The following ECHDC1 variants were observed in gnomAD, a reference collection of about 807,000 sequenced individuals.
ECHDC1 encodes ethylmalonyl-CoA decarboxylase 1.
Under a neutral mutation model 29.7 loss-of-function variants are expected in ECHDC1, and 29 were observed. The ratio of observed to expected loss-of-function variants is 0.98; its 90% CI spans 0.73 to 1.33. The LOEUF (loss-of-function observed/expected upper bound fraction) is 1.33. ECHDC1 is among the 40% of genes most tolerant of loss of function. ECHDC1 has a pLI of 0.00. For synonymous variants in ECHDC1, 126 were observed against 123.1 expected, an observed-to-expected ratio of 1.02 and a Z score of -0.15; for missense variants, 328 against 350.0, an observed-to-expected ratio of 0.94 and a Z score of 0.50.
intron 5 of ECHDC1, among the ~76,000 whole-genome samples, chr6:127,299,871 T>G (rs1281337803): frequency 1.3e-5 from 2 of 152,338 alleles, no homozygotes; most frequent in East Asian, 3.9e-4. Flanking sequence ...TATACAGTAT[T>G]TTTACTGTAC....
At chr6:127,334,043 T>C (rs1171030608) in intron 1 of ECHDC1, among the ~76,000 whole-genome samples, 1 of 152,198 alleles carries the variant, frequency 6.6e-6, no homozygotes, top group Non-Finnish European at 1.5e-5. Flanking sequence ...TTTTATTAAT[T>C]TGTTAGAGAT....
rs1452840083 is a variant in ECHDC1 at position 127,290,172 on chromosome 6, T to C, written c.603A>G (p.Gln201=). The change falls in exon 6 of 6, where the codon CAA becomes CAG. Residue 201 remains glutamine, a synonymous_variant. Coordinates refer to ENST00000454859, the MANE Select transcript of ECHDC1 (RefSeq NM_001002030.2). The part of the protein sequence containing the change: ...TRLVEIIGSR[Q]ALKVLSGALK... ...GGGCCCCACTCAACACTTTGAGAGC[T>C]TGTCTACTTCCGATTATTTCAACTA... 1 of 1,613,752 alleles carries C rather than the reference T, an allele frequency of 6.2e-7. No homozygotes were observed. The highest frequency in any genetic ancestry group is 8.5e-7 in the Non-Finnish European group (1 of 1,179,792).
intron 1 of ECHDC1, chr6:127,342,307 G>A (rs1298371813): frequency 4.6e-6 from 7 of 1,519,912 alleles, no homozygotes; most frequent in Non-Finnish European, 6.2e-6. Context: ...TAAGAATCTG[G>A]CCACAAATCA....
chr6:127,306,712 T>TTG (rs1781470210), intron 5 of ECHDC1, among the ~76,000 whole-genome samples: 1 of 152,156 alleles, frequency 6.6e-6, no homozygotes, highest in Non-Finnish European at 1.5e-5. Flanking sequence ...TTACCCAGTC[T>TTG]CAGGTAGTTC....
At chr6:127,333,494 C>T (rs982984218) in intron 1 of ECHDC1, among the ~76,000 whole-genome samples, 12 of 151,950 alleles carry the variant, frequency 7.9e-5, no homozygotes, top group African/African-American at 2.2e-4. Flanking sequence ...TCAATACATA[C>T]CCATGTCTGA....
intron 1 of ECHDC1, among the ~76,000 whole-genome samples, chr6:127,332,027 T>C (rs1045219289): frequency 1.3e-5 from 2 of 152,166 alleles, no homozygotes; most frequent in African/African-American, 4.8e-5. Flanking sequence ...TATAAGATTA[T>C]ATGCAAAAAA....
chr6:127,335,155 A>G (rs1444666038), intron 1 of ECHDC1, among the ~76,000 whole-genome samples: 2 of 152,132 alleles, frequency 1.3e-5, no homozygotes, highest in Non-Finnish European at 2.9e-5. Flanking sequence ...GTTACAATAC[A>G]ATATCTGGTT....
intron 5 of ECHDC1, among the ~76,000 whole-genome samples, chr6:127,299,229 A>G (rs941597657): frequency 6.6e-6 from 1 of 152,106 alleles, no homozygotes; most frequent in Admixed American, 6.6e-5. Context: ...TAAATGTAAA[A>G]TAGCCTCAGG....
At chr6:127,322,664 T>A (rs1223594037) in intron 3 of ECHDC1, among the ~76,000 whole-genome samples, 1 of 143,258 alleles carries the variant, frequency 7.0e-6, no homozygotes, top group Non-Finnish European at 1.6e-5. Flanking sequence ...ATATATACAA[T>A]GATGTATATA....
At chr6:127,293,678 T>C (rs1379254125) in intron 5 of ECHDC1, among the ~76,000 whole-genome samples, 1 of 152,204 alleles carries the variant, frequency 6.6e-6, no homozygotes, top group Non-Finnish European at 1.5e-5. Context: ...GAGAATACAG[T>C]ATTACCTACT....
At chr6:127,333,830 G>A (rs908169389) in intron 1 of ECHDC1, among the ~76,000 whole-genome samples, 2 of 152,100 alleles carry the variant, frequency 1.3e-5, no homozygotes, top group African/African-American at 4.8e-5. Flanking sequence ...GAAAGCTCCA[G>A]TTGCTCCACA....
In ECHDC1 at chr6:127,330,926, C is replaced by G; in HGVS notation, c.103G>C (p.Glu35Gln). The G allele has an allele frequency of 6.2e-6, 10 of 1,614,066 alleles. No individual in the cohort carries two copies. Among genetic ancestry groups the G allele is most frequent in the South Asian group, 2.2e-5 (2 of 91,076 alleles). ...LYSTSHGFYEEEVKKTLQQFP... is the reference protein window; with the variant it reads ...LYSTSHGFYEQEVKKTLQQFP... Reference sequence around the variant, plus strand: ...TGCTGAAGTGTTTTTTTCACTTCTTCCTCATAAAATCCATGGGATGTACTA... The same window carrying G: ...TGCTGAAGTGTTTTTTTCACTTCTTGCTCATAAAATCCATGGGATGTACTA... Residue 35 changes from glutamate to glutamine, a missense_variant, in exon 2 of 6, where the codon GAA (glutamate) becomes CAA (glutamine). Glu to Gln is a conservative substitution (Grantham distance 29). Transcript: ENST00000454859.
intron 5 of ECHDC1, among the ~76,000 whole-genome samples, chr6:127,309,510 CACACACACACACACACACACACACACAG>C (rs2114601522): frequency 9.4e-6 from 1 of 105,970 alleles, no homozygotes; most frequent in Non-Finnish European, 2.2e-5. Flanking sequence ...CACACACACA[CACACACACACACACACACACACACACAG>C]GAAAAAATAG....
intron 3 of ECHDC1, chr6:127,326,659 C>T (rs778145974): frequency 3.7e-5 from 14 of 383,360 alleles, no homozygotes; most frequent in Non-Finnish European, 6.9e-5. Flanking sequence ...CAAAGTGGGG[C>T]ATTTGAGGGG....
chr6:127,315,616 C>A, intron 4 of ECHDC1: 1 of 258,196 alleles, frequency 3.9e-6, no homozygotes, highest in Non-Finnish European at 7.7e-6. Context: ...CTAATATACA[C>A]TGCTCCCATG....
chr6:127,291,037 A>G (rs573921554), intron 5 of ECHDC1, among the ~76,000 whole-genome samples: 1 of 152,236 alleles, frequency 6.6e-6, no homozygotes, highest in Non-Finnish European at 1.5e-5. Context: ...TGCAAGTGCA[A>G]AAGTCTTGAA....
rs945250371 is a variant in ECHDC1 at position 127,327,190 on chromosome 6, G to A, written c.221-46C>T. 5 of 1,582,772 alleles carry A rather than the reference G, an allele frequency of 3.2e-6. No individual in the cohort carries two copies. In the African/African-American group the frequency reaches 5.4e-5, roughly 17 times the overall value. Reference sequence around the variant, plus strand: ...AAATCACAAATATATGAAGGTGACTGGAAAAACAGAAATAATTTATAAATC... The same window carrying A: ...AAATCACAAATATATGAAGGTGACTAGAAAAACAGAAATAATTTATAAATC... On this transcript the variant is annotated intron_variant, in intron 2 of 5. Coordinates refer to ENST00000454859, the MANE Select transcript of ECHDC1 (RefSeq NM_001002030.2).
At chr6:127,303,452 A>G (rs1253479681) in intron 5 of ECHDC1, among the ~76,000 whole-genome samples, 2 of 152,198 alleles carry the variant, frequency 1.3e-5, no homozygotes, top group Non-Finnish European at 2.9e-5. Context: ...TGGTCTGGAT[A>G]GAAGACCAAA....
intron 5 of ECHDC1, among the ~76,000 whole-genome samples, chr6:127,301,108 T>C (rs972788475): frequency 5.3e-4 from 81 of 152,336 alleles, no homozygotes; most frequent in African/African-American, 1.9e-3. Context: ...TTCATGTTAG[T>C]CTTTTACTTT....
Sources: gnomAD v4.1 joint callset for allele counts (sites outside exome capture counted in the v4.1 genomes callset) on GRCh38, gnomAD v4.1.1 for gene constraint, MANE v1.5 for transcripts, NCBI Gene and HGNC (gene_info 2026-07-23, HGNC 2026-07-21) for gene names.